COL4A5: variants seen among roughly 807,000 people sequenced by gnomAD.
COL4A5 encodes collagen type IV alpha 5 chain.
A neutral mutation model predicts 130.2 loss-of-function variants in COL4A5; 26 were observed. The ratio of observed to expected loss-of-function variants is 0.20; its 90% CI spans 0.15 to 0.28. COL4A5 has a LOEUF of 0.28. COL4A5 is among the 10% of genes least tolerant of loss of function. The pLI is 1.00. For missense variants in COL4A5, 1,131 were observed against 1,344.3 expected (o/e 0.84, Z 2.48); for synonymous variants, 496 against 439.6 (o/e 1.13, Z -1.60).
intron 49 of COL4A5, 49 bp from the exon 50 acceptor site, chrX:108,692,699 G>A (rs774956584): frequency 6.9e-6 from 8 of 1,157,420 alleles, no homozygotes; most frequent in Middle Eastern, 2.4e-4. Context: ...AGAAACCAAA[G>A]TATCATTATC....
intron 6 of COL4A5, among the ~76,000 whole-genome samples, chrX:108,570,383 A>G (rs1345400155): frequency 9.0e-6 from 1 of 111,634 alleles, no homozygotes; most frequent in Admixed American, 9.5e-5. Context: ...ACCACTAACC[A>G]AAGTTTCAAA....
At chrX:108,452,291 T>C (rs1230176964) in intron 1 of COL4A5, among the ~76,000 whole-genome samples, 1 of 111,980 alleles carries the variant, frequency 8.9e-6, no homozygotes, top group African/African-American at 3.2e-5. Flanking sequence ...TGGCTTAGGA[T>C]TGACTTGGCG....
intron 29 of COL4A5, among the ~76,000 whole-genome samples, chrX:108,613,167 T>C (rs2066865972): frequency 8.9e-6 from 1 of 112,230 alleles, no homozygotes; most frequent in Non-Finnish European, 1.9e-5. Flanking sequence ...AAACCTAACA[T>C]TATCAAACTT....
chrX:108,526,675 T>TTCTTTC (rs2065327021), intron 1 of COL4A5, among the ~76,000 whole-genome samples: 31 of 20,927 alleles, frequency 1.5e-3, no homozygotes, highest in South Asian at 3.1e-3. Context: ...TTCTTTCTCT[T>TTCTTTC]TCTTTCTTTC....
chrX:108,626,258 A>C lies in COL4A5; in HGVS notation c.3155A>C (p.Gln1052Pro), dbSNP rs1193080627. ...CCTGGACCTTCTGGAGTTCCTGGAC[A>C]ACCTGGCTCCCCAGGATTACCTGGA... ...GPPGPSGVPG[Q>P]PGSPGLPGQK... Residue 1052 changes from glutamine (Q) to proline (P), a missense_variant, in exon 36 of 53, where the codon CAA becomes CCA. Coordinates refer to ENST00000328300, the MANE Select transcript of COL4A5 (RefSeq NM_033380.3). 1 of 1,210,709 alleles carries C rather than the reference A, an allele frequency of 8.3e-7. No homozygotes were observed. The highest frequency in any genetic ancestry group is 3.0e-5 in the East Asian group (1 of 33,804).
intron 1 of COL4A5, among the ~76,000 whole-genome samples, chrX:108,523,027 G>A (rs111708875): frequency 0.028 from 3,048 of 107,927 alleles, 69 homozygotes; most frequent in African/African-American, 0.065. Flanking sequence ...ACAGGTGCGC[G>A]TGCCACCATG....
Position 108,597,087 on chromosome X carries a change from A to T in COL4A5, c.1587+19A>T, listed in dbSNP as rs762716337. 2.2e-5 allele frequency: 26 copies of T among 1,157,636 alleles called. No homozygotes were observed. The highest frequency in any genetic ancestry group is 2.4e-4 in the Middle Eastern group (1 of 4,213). ...ATTACCAGTAAGTTTTGAGTATATT[A>T]TAAAACAAAAAGAAGTAGAAGGAAG... is the stretch of plus-strand genomic sequence containing the variant. On this transcript the variant is annotated intron_variant, in intron 23 of 52. Transcript: ENST00000328300.
chrX:108,474,279 C>A (rs763016592), intron 1 of COL4A5, among the ~76,000 whole-genome samples: 1 of 111,584 alleles, frequency 9.0e-6, no homozygotes, highest in South Asian at 3.7e-4. Flanking sequence ...TTTTTAAAAT[C>A]TTTTATATCA....
chrX:108,483,211 GTGTGTGTGTGTA>G (rs1355920088), intron 1 of COL4A5, among the ~76,000 whole-genome samples: 2 of 99,896 alleles, frequency 2.0e-5, no homozygotes, highest in Admixed American at 1.1e-4. Context: ...ATATGTGTGT[GTGTGTGTGTGTA>G]TGTGTGTGTG....
At chrX:108,620,506 C>T in intron 31 of COL4A5, 80 bp downstream of exon 31, 1 of 843,382 alleles carries the variant, frequency 1.2e-6, no homozygotes, top group South Asian at 2.2e-5. Flanking sequence ...TCCCATGTTA[C>T]ACTTTTCTAG....
intron 1 of COL4A5, among the ~76,000 whole-genome samples, chrX:108,481,881 G>T (rs998989227): frequency 1.3e-4 from 15 of 111,142 alleles, no homozygotes; most frequent in Non-Finnish European, 2.6e-4. Flanking sequence ...CTCCCAGCTG[G>T]GATGAGTAGG....
In COL4A5 at chrX:108,606,733, A is replaced by G. The variant is rs376981637; in HGVS notation, c.2245-9A>G. 13 of 1,211,374 alleles carry G rather than the reference A, an allele frequency of 1.1e-5. No homozygotes were observed. Among genetic ancestry groups the G allele is most frequent in the African/African-American group, 1.7e-5 (1 of 57,789 alleles). On this transcript the variant is annotated splice_polypyrimidine_tract_variant and intron_variant, in intron 28 of 52. Transcript: ENST00000328300. Reference sequence around the variant, plus strand: ...GTTTTTGTTGTGTTTTGTCATGTGTATGCTCAAGGGTGAACCAGGATTTGC... The same window carrying G: ...GTTTTTGTTGTGTTTTGTCATGTGTGTGCTCAAGGGTGAACCAGGATTTGC...
chrX:108,574,515 C>T lies in COL4A5; in HGVS notation c.546+861C>T, dbSNP rs73253688. On this transcript the variant is annotated intron_variant, in intron 9 of 52. Transcript: ENST00000328300. ...CTGTGTCCCCCTTGGTAATCAAATC[C>T]TTCTGCATTCCCCCAAGACATAGCT... 2.3e-3 allele frequency among the ~76,000 whole-genome samples: 259 copies of T among 111,455 alleles called. 1 individual carries two copies. The highest frequency in any genetic ancestry group is 8.3e-3 in the South Asian group (22 of 2,655).
intron 29 of COL4A5, among the ~76,000 whole-genome samples, chrX:108,613,538 T>C (rs2066873060): frequency 8.9e-6 from 1 of 112,272 alleles, no homozygotes; most frequent in Admixed American, 9.5e-5. Context: ...AAAGGACTTA[T>C]AAGCAGAATA....
chrX:108,670,755 A>C (rs2068186603), intron 42 of COL4A5: 1 of 324,436 alleles, frequency 3.1e-6, no homozygotes, highest in Middle Eastern at 4.5e-4. Flanking sequence ...AAAATGGACT[A>C]ATAGGGCCGG....
chrX:108,611,256 G>A (rs2066829269), intron 29 of COL4A5, among the ~76,000 whole-genome samples: 1 of 111,019 alleles, frequency 9.0e-6, no homozygotes, highest in African/African-American at 3.3e-5. Flanking sequence ...GTTAGAATCA[G>A]ATTATACAAA....
intron 49 of COL4A5, among the ~76,000 whole-genome samples, chrX:108,689,036 C>G (rs2068601277): frequency 9.0e-6 from 1 of 111,440 alleles, no homozygotes; most frequent in Admixed American, 9.6e-5. Context: ...AAGGGTTTGC[C>G]CAATAGCTTT....
chrX:108,563,849 C>G, intron 3 of COL4A5, 33 bp from the exon 4 acceptor site: 2 of 1,182,371 alleles, frequency 1.7e-6, no homozygotes, highest in Non-Finnish European at 2.3e-6. Context: ...ACTTTTTTGA[C>G]GGACAAAAAC....
intron 42 of COL4A5, 171 bp downstream of exon 42, chrX:108,670,407 G>A (rs1305793391): frequency 1.7e-6 from 1 of 572,614 alleles, no homozygotes; most frequent in African/African-American, 2.5e-5. Context: ...CAGTGTTTCT[G>A]TCTATTGGAA....
Sources: allele counts gnomAD v4.1 joint callset (sites outside exome capture counted in the v4.1 genomes callset), GRCh38; gene constraint gnomAD v4.1.1; transcripts MANE v1.5; gene names NCBI Gene and HGNC (gene_info 2026-07-23, HGNC 2026-07-21).